The following NEDD4L variants were observed in gnomAD, a reference collection of about 807,000 sequenced individuals.
NEDD4L encodes NEDD4 like E3 ubiquitin protein ligase, also known as E3 ubiquitin-protein ligase NEDD4-like.
In NEDD4L, 54 loss-of-function variants were observed where a neutral mutation model predicts 148.9. That is an observed-to-expected ratio of 0.36 (90% CI 0.29 to 0.45). NEDD4L has a LOEUF of 0.45. Ranked by LOEUF, NEDD4L falls within the 20% of genes least tolerant of loss-of-function variation. The probability of loss-of-function intolerance (pLI) is 1.00; values close to 1 mark genes in which losing one functional copy is unlikely to be tolerated. For missense variants in NEDD4L, 856 were observed against 1,233.8 expected (o/e 0.69, Z 4.59); for synonymous variants, 433 against 440.7 (o/e 0.98, Z 0.22).
chr18:58,349,500 C>A lies in NEDD4L; in HGVS notation c.1576-37C>A, dbSNP rs200575522. The A allele has an allele frequency of 4.9e-4, 760 of 1,536,006 alleles. 3 individuals carry two copies. The highest frequency in any genetic ancestry group is 6.4e-4 in the Non-Finnish European group (708 of 1,108,868). On this transcript the variant is annotated intron_variant, in intron 16 of 30. Coordinates refer to ENST00000400345, the MANE Select transcript of NEDD4L (RefSeq NM_001144967.3). ...CCCAGTAACTGCACACAGATACTTC[C>A]ACTTAGCATCTACTGTCTTTTACAT...
chr18:58,230,414 C>CT lies in NEDD4L; in HGVS notation c.123-15011dup, dbSNP rs66531634. 3.2e-3 allele frequency among the ~76,000 whole-genome samples: 475 copies of CT among 146,192 alleles called. 10 individuals are homozygous for CT. Among genetic ancestry groups the CT allele is most frequent in the East Asian group, 0.01 (52 of 4,968 alleles). On this transcript the variant is annotated intron_variant, in intron 2 of 30. Coordinates refer to ENST00000400345, the MANE Select transcript of NEDD4L (RefSeq NM_001144967.3). Reference sequence around the variant, plus strand: ...GGAAGTGAGGTTCACTGTGAAGCTTCTTCTTTTTTTTTTTTTAATCATTTT... The same window carrying CT: ...GGAAGTGAGGTTCACTGTGAAGCTTCTTTCTTTTTTTTTTTTTAATCATTTT...
At chr18:58,316,107 A>C in intron 6 of NEDD4L, 75 bp downstream of exon 6, 1 of 1,199,862 alleles carries the variant, frequency 8.3e-7, no homozygotes, top group South Asian at 1.3e-5. Context: ...GTGTATTTTC[A>C]GAGTGGCATT....
intron 1 of NEDD4L, among the ~76,000 whole-genome samples, chr18:58,145,571 A>T (rs1242774479): frequency 6.6e-6 from 1 of 152,170 alleles, no homozygotes; most frequent in African/African-American, 2.4e-5. Context: ...GATAGTGATA[A>T]TAAGGGTAAT....
At chr18:58,392,623 A>G (rs1440861871) in intron 30 of NEDD4L, among the ~76,000 whole-genome samples, 1 of 151,736 alleles carries the variant, frequency 6.6e-6, no homozygotes, top group African/African-American at 2.4e-5. Flanking sequence ...AAGCAAGCTG[A>G]CTCCAGCCTA....
intron 1 of NEDD4L, among the ~76,000 whole-genome samples, chr18:58,163,147 AGC>A (rs1306277790): frequency 6.6e-6 from 1 of 152,098 alleles, no homozygotes; most frequent in Non-Finnish European, 1.5e-5. Context: ...GCTTGATCGT[AGC>A]GCACTGCAGC....
intron 2 of NEDD4L, among the ~76,000 whole-genome samples, chr18:58,219,591 C>A (rs1470397148): frequency 8.1e-6 from 1 of 124,174 alleles, no homozygotes; most frequent in Non-Finnish European, 1.7e-5. Flanking sequence ...TCTTGACTTG[C>A]AGATGCTCCT....
intron 1 of NEDD4L, among the ~76,000 whole-genome samples, chr18:58,100,995 G>A (rs1447461299): frequency 6.6e-6 from 1 of 152,116 alleles, no homozygotes; most frequent in Non-Finnish European, 1.5e-5. Flanking sequence ...TTGTAGAGAT[G>A]AGGTCTCACT....
At chr18:58,142,809 G>T (rs902031448) in intron 1 of NEDD4L, among the ~76,000 whole-genome samples, 1 of 151,590 alleles carries the variant, frequency 6.6e-6, no homozygotes, top group Non-Finnish European at 1.5e-5. Flanking sequence ...CTTAAAAATT[G>T]CAGTGTATAG....
At chr18:58,234,122 C>CTTTTCTTTTCCT (rs200704630) in intron 2 of NEDD4L, among the ~76,000 whole-genome samples, 129 of 114,304 alleles carry the variant, frequency 1.1e-3, no homozygotes, top group African/African-American at 3.9e-3. Flanking sequence ...TTTTCTTTTC[C>CTTTTCTTTTCCT]TTCTTTTTTT....
intron 1 of NEDD4L, among the ~76,000 whole-genome samples, chr18:58,142,795 G>T (rs1322662582): frequency 1.3e-5 from 2 of 152,132 alleles, no homozygotes; most frequent in African/African-American, 2.4e-5. Context: ...TGTAACAAAA[G>T]CAGCTTAAAA....
At chr18:58,252,093 T>G in intron 5 of NEDD4L, 39 bp downstream of exon 5, 3 of 1,320,390 alleles carry the variant, frequency 2.3e-6, no homozygotes, top group Non-Finnish European at 3.3e-6. Flanking sequence ...CTTCATTTTT[T>G]TATTAACTGG....
chr18:58,310,366 C>G (rs1390476074), intron 5 of NEDD4L, among the ~76,000 whole-genome samples: 3 of 152,142 alleles, frequency 2.0e-5, no homozygotes, highest in Admixed American at 6.5e-5. Context: ...ATGTAAAAGC[C>G]CTGTGTGTGT....
intron 6 of NEDD4L, among the ~76,000 whole-genome samples, chr18:58,318,465 G>C (rs1299514060): frequency 6.6e-6 from 1 of 152,186 alleles, no homozygotes; most frequent in African/African-American, 2.4e-5. Context: ...GCTGAGGTGG[G>C]AGGATCGCTT....
At chr18:58,319,127 A>G (rs1309010979) in intron 6 of NEDD4L, among the ~76,000 whole-genome samples, 2 of 152,184 alleles carry the variant, frequency 1.3e-5, no homozygotes, top group Non-Finnish European at 2.9e-5. Context: ...TGAGTGCAGA[A>G]TTCAAAATCA....
intron 10 of NEDD4L, among the ~76,000 whole-genome samples, chr18:58,330,202 G>A (rs913560355): frequency 6.6e-6 from 1 of 152,170 alleles, no homozygotes; most frequent in African/African-American, 2.4e-5. Flanking sequence ...ACTTGGAAAA[G>A]CAAAAGTAAT....
intron 2 of NEDD4L, among the ~76,000 whole-genome samples, chr18:58,204,090 G>A (rs755319310): frequency 1.1e-4 from 17 of 152,220 alleles, no homozygotes; most frequent in Non-Finnish European, 1.8e-4. Context: ...ACTTTGTGAG[G>A]CCAAGGCGGG....
chr18:58,094,670 C>T (rs1055633818), intron 1 of NEDD4L, among the ~76,000 whole-genome samples: 2 of 152,152 alleles, frequency 1.3e-5, no homozygotes, highest in African/African-American at 4.8e-5. Context: ...TCCCCTTCTC[C>T]ATGGACTCCA....
intron 1 of NEDD4L, among the ~76,000 whole-genome samples, chr18:58,140,327 C>T (rs962532135): frequency 6.6e-6 from 1 of 152,202 alleles, no homozygotes; most frequent in Non-Finnish European, 1.5e-5. Flanking sequence ...TTATAGAAGC[C>T]CTCTGTTTGT....
chr18:58,271,441 A>G (rs2051028058), intron 5 of NEDD4L, among the ~76,000 whole-genome samples: 1 of 152,210 alleles, frequency 6.6e-6, no homozygotes, highest in Non-Finnish European at 1.5e-5. Context: ...AGGCCAAACC[A>G]AGATCACTTT....
Sources: gnomAD v4.1 joint callset for allele counts (sites outside exome capture counted in the v4.1 genomes callset) on GRCh38, gnomAD v4.1.1 for gene constraint, MANE v1.5 for transcripts, NCBI Gene and HGNC (gene_info 2026-07-23, HGNC 2026-07-21) for gene names.